Variants in DEPTOR observed in about 807,000 individuals in gnomAD.
DEPTOR encodes DEP domain-containing mTOR-interacting protein.
Under a neutral mutation model 41.6 loss-of-function variants are expected in DEPTOR, and 41 were observed. The observed-to-expected ratio is 0.98, with a 90% CI of 0.77 to 1.28. The LOEUF is 1.28. Among genes scored for constraint, DEPTOR ranks in the 50% most tolerant of loss-of-function variants. The probability of loss-of-function intolerance (pLI) is 0.00; values close to 1 mark genes in which losing one functional copy is unlikely to be tolerated. For synonymous variants in DEPTOR, 195 were observed against 192.3 expected (o/e 1.01, Z -0.12); for missense variants, 514 against 527.9 (o/e 0.97, Z 0.26).
rs1812496871 is a variant in DEPTOR at position 120,009,374 on chromosome 8, A to G, written c.1101+241A>G. Among the ~76,000 whole-genome samples the G allele has an allele frequency of 4.6e-5, 7 of 152,132 alleles. No homozygotes were observed. The South Asian group carries it at 1.4e-3, about 31-fold the overall frequency. ...ACACCTGTAATTCCAGCACATTCAG[A>G]GGCCAAGGCAGACATATCACTTGAG... On this transcript the variant is annotated intron_variant, in intron 8 of 8. Coordinates refer to ENST00000286234, the MANE Select transcript of DEPTOR (RefSeq NM_022783.4).
intron 8 of DEPTOR, among the ~76,000 whole-genome samples, chr8:120,022,719 G>C (rs918522368): frequency 6.9e-6 from 1 of 144,876 alleles, no homozygotes; most frequent in African/African-American, 2.7e-5. Context: ...TTTTTTTCTA[G>C]AGATGGGACT....
chr8:119,882,623 G>T (rs944677708), intron 1 of DEPTOR, among the ~76,000 whole-genome samples: 1 of 152,000 alleles, frequency 6.6e-6, no homozygotes, highest in Non-Finnish European at 1.5e-5. Context: ...TGCGCAGGCT[G>T]ATCTCAAACT....
rs1812739285 is a variant in DEPTOR, at chr8:120,022,705, A to AT, written c.1101+13572_1101+13573insT. 7.7e-5 allele frequency among the ~76,000 whole-genome samples: 4 copies of AT among 51,792 alleles called. No homozygotes were observed. In the Admixed American group the frequency reaches 7.9e-4, roughly 10 times the overall value. The allele number at this position is 51,792 out of a possible 152,430, so 34.0% of individuals were successfully genotyped here. A position where few individuals can be genotyped will look rare whatever the true frequency, so the allele number is the denominator to read the frequency against. On this transcript the variant is annotated intron_variant, in intron 8 of 8. Coordinates refer to ENST00000286234, the MANE Select transcript of DEPTOR (RefSeq NM_022783.4). The stretch of plus-strand genomic sequence containing the variant: ...TTTTTTTATTTATTTAATCTATTTT[A>AT]ATTTTTTTTTCTAGAGATGGGACTC...
chr8:119,974,485 G>A (rs1232263384), intron 4 of DEPTOR, among the ~76,000 whole-genome samples: 1 of 151,998 alleles, frequency 6.6e-6, no homozygotes, highest in Non-Finnish European at 1.5e-5. Context: ...CAAAAGAGTA[G>A]TTCAGGCCAG....
At chr8:119,940,042 ACT>A (rs1449330139) in intron 3 of DEPTOR, among the ~76,000 whole-genome samples, 2 of 151,642 alleles carry the variant, frequency 1.3e-5, no homozygotes, top group East Asian at 3.9e-4. Flanking sequence ...ACATGGAGAA[ACT>A]CTGTCCCTAC....
At chr8:119,986,630 A>G (rs1384030193) in intron 4 of DEPTOR, among the ~76,000 whole-genome samples, 1 of 152,014 alleles carries the variant, frequency 6.6e-6, no homozygotes. Context: ...GATTTCTAAC[A>G]TGGTTCCATT....
chr8:120,036,910 G>C (rs1277020343), intron 8 of DEPTOR, among the ~76,000 whole-genome samples: 1 of 152,226 alleles, frequency 6.6e-6, no homozygotes, highest in Non-Finnish European at 1.5e-5. Context: ...GTTTATAGTA[G>C]CTTCTGGATT....
chr8:119,937,299 C>T (rs1828126392), intron 3 of DEPTOR, among the ~76,000 whole-genome samples: 1 of 151,848 alleles, frequency 6.6e-6, no homozygotes, highest in African/African-American at 2.4e-5. Flanking sequence ...ACTTGGGAGG[C>T]TGAGGCAGGA....
intron 1 of DEPTOR, among the ~76,000 whole-genome samples, chr8:119,886,530 C>T (rs1827367375): frequency 6.6e-6 from 1 of 151,982 alleles, no homozygotes; most frequent in South Asian, 2.1e-4. Context: ...CACACAGATA[C>T]ATACATACAC....
rs1322053461 is a variant in DEPTOR, at chr8:119,965,292, G to T, written c.486G>T (p.Glu162Asp). Reference sequence around the variant, plus strand: ...GGGAGGAGGAAGGGGTCAAGTATGAGCGCACCTTCATGGCATCTGAATTCC... The same window carrying T: ...GGGAGGAGGAAGGGGTCAAGTATGATCGCACCTTCATGGCATCTGAATTCC... ...QPREEEGVKY[E>D]RTFMASEFLD... The change falls in exon 4 of 9, where the codon GAG (glutamate) becomes GAT (aspartate). Residue 162 changes from glutamate (E) to aspartate (D), a missense_variant. Glu to Asp is a conservative substitution (Grantham distance 45). Coordinates refer to ENST00000286234, the MANE Select transcript of DEPTOR (RefSeq NM_022783.4). 1.9e-6 allele frequency: 3 copies of T among 1,614,114 alleles called. No homozygotes were observed. The highest frequency in any genetic ancestry group is 1.6e-4 in the Middle Eastern group (1 of 6,062).
At chr8:119,952,768 G>A (rs1247555183) in intron 3 of DEPTOR, among the ~76,000 whole-genome samples, 2 of 152,164 alleles carry the variant, frequency 1.3e-5, no homozygotes, top group Non-Finnish European at 1.5e-5. Context: ...AATTTCTTCA[G>A]GGAAGTGAAA....
At position 120,003,124 on chromosome 8, in the gene DEPTOR, A is replaced by C. The variant is rs1586653671; in HGVS notation, c.925+13A>C. 1.2e-6 allele frequency: 2 copies of C among 1,609,726 alleles called. No homozygotes were observed. Among genetic ancestry groups the C allele is most frequent in the African/African-American group, 2.7e-5 (2 of 74,920 alleles). On this transcript the variant is annotated intron_variant, in intron 6 of 8. Transcript: ENST00000286234. ...AACCCCAAGTCCGGTGAGTGCCCAAAAGGTGGCCCCGCTCCTAAGACTGTG... is the reference window on the plus strand; with the variant it reads ...AACCCCAAGTCCGGTGAGTGCCCAACAGGTGGCCCCGCTCCTAAGACTGTG...
At chr8:119,876,288 A>G (rs1035161700) in intron 1 of DEPTOR, among the ~76,000 whole-genome samples, 1 of 152,192 alleles carries the variant, frequency 6.6e-6, no homozygotes. Context: ...GGCAAGTGTC[A>G]GCATTAAGTT....
At chr8:119,894,336 G>A (rs1420231904) in intron 1 of DEPTOR, among the ~76,000 whole-genome samples, 2 of 152,092 alleles carry the variant, frequency 1.3e-5, no homozygotes, top group Non-Finnish European at 2.9e-5. Context: ...AAGGTGCTGG[G>A]ATTATGTCTT....
At chr8:119,976,689 A>G (rs939283675) in intron 4 of DEPTOR, among the ~76,000 whole-genome samples, 2 of 152,210 alleles carry the variant, frequency 1.3e-5, no homozygotes, top group Non-Finnish European at 2.9e-5. Context: ...CAGGTGAATC[A>G]GCTCTGTTTT....
Position 119,890,178 on chromosome 8 carries a change from C to G in DEPTOR, c.122+16210C>G, listed in dbSNP as rs147139727. 2.8e-3 allele frequency among the ~76,000 whole-genome samples: 426 copies of G among 152,316 alleles called. 3 individuals are homozygous for G. The highest frequency in any genetic ancestry group is 8.8e-3 in the African/African-American group (365 of 41,566). On this transcript the variant is annotated intron_variant, in intron 1 of 8. Coordinates refer to ENST00000286234, the MANE Select transcript of DEPTOR (RefSeq NM_022783.4). ...CAAGGTTTCCCAGGCTGATCTTGAACTCCTGACCTGAAGTGATCCACTCAC... is the reference window on the plus strand; with the variant it reads ...CAAGGTTTCCCAGGCTGATCTTGAAGTCCTGACCTGAAGTGATCCACTCAC...
At chr8:119,902,812 T>A (rs1158701740) in intron 1 of DEPTOR, among the ~76,000 whole-genome samples, 1 of 152,202 alleles carries the variant, frequency 6.6e-6, no homozygotes, top group East Asian at 1.9e-4. Flanking sequence ...AAAATTAAGT[T>A]GTATAGTTCT....
rs1423390710 is a variant in DEPTOR at position 119,936,072 on chromosome 8, A to G, written c.425+6134A>G. On this transcript the variant is annotated intron_variant, in intron 3 of 8. Transcript: ENST00000286234. ...GCAGGAGTTTCTATCTCCAGCTACT[A>G]TTAGTCTCTTTATCCTGCTTAGGAG... Among the ~76,000 whole-genome samples, 6 of 143,378 alleles carry G rather than the reference A, an allele frequency of 4.2e-5. No individual in the cohort carries two copies. In the East Asian group the frequency reaches 1.2e-3, roughly 29 times the overall value. 94.1% of individuals were successfully genotyped at this position (143,378 alleles called of 152,430 possible). A position where few individuals can be genotyped will look rare whatever the true frequency, so the allele number is the denominator to read the frequency against.
In DEPTOR at chr8:120,008,986, C is replaced by T. The variant is rs201511583; in HGVS notation, c.997-43C>T. On this transcript the variant is annotated intron_variant, in intron 7 of 8. Transcript: ENST00000286234. ...TCCCTCAGAAGAATAAGCAAATTGC[C>T]GGAGACAGTCGGCTGCTTGCTAATT... 1.5e-4 allele frequency: 244 copies of T among 1,591,882 alleles called. 2 individuals carry two copies. In the East Asian group the frequency reaches 3.9e-3, roughly 26 times the overall value.
Sources: gnomAD v4.1 joint callset for allele counts (sites outside exome capture counted in the v4.1 genomes callset) on GRCh38, gnomAD v4.1.1 for gene constraint, MANE v1.5 for transcripts, NCBI Gene and HGNC (gene_info 2026-07-23, HGNC 2026-07-21) for gene names.